VPS13B: variants seen among roughly 807,000 people sequenced by gnomAD.
VPS13B encodes intermembrane lipid transfer protein VPS13B.
A neutral mutation model predicts 426.4 loss-of-function variants in VPS13B; 285 were observed. The observed-to-expected ratio is 0.67, with a 90% confidence interval of 0.61 to 0.74. VPS13B has a LOEUF of 0.74. VPS13B is among the 30% of genes least tolerant of loss of function. VPS13B has a pLI of 0.00. For synonymous variants in VPS13B, 1,676 were observed against 1,676.4 expected, an observed-to-expected ratio of 1.00 and a Z score of 0.01; for missense variants, 4,537 against 4,782.6, an observed-to-expected ratio of 0.95 and a Z score of 1.51.
At chr8:99,387,894 G>C (rs1406544305) in intron 20 of VPS13B, among the ~76,000 whole-genome samples, 1 of 152,160 alleles carries the variant, frequency 6.6e-6, no homozygotes, top group Non-Finnish European at 1.5e-5. Context: ...TTTACTTCTT[G>C]ATGTAGGTAT....
chr8:99,819,333 TAG>T (rs756168442), intron 47 of VPS13B, 77 bp from the exon 48 acceptor site: 9 of 1,502,152 alleles, frequency 6.0e-6, no homozygotes, highest in Non-Finnish European at 8.3e-6. Context: ...AATACATTTG[TAG>T]TTAGATATTT....
chr8:99,093,341 C>T (rs1300593595), intron 3 of VPS13B, among the ~76,000 whole-genome samples: 1 of 151,558 alleles, frequency 6.6e-6, no homozygotes, highest in Non-Finnish European at 1.5e-5. Flanking sequence ...ATTCAAAGCA[C>T]CTCAAATTTG....
chr8:99,066,943 A>T (rs192392439), intron 3 of VPS13B, among the ~76,000 whole-genome samples: 53 of 152,372 alleles, frequency 3.5e-4, no homozygotes, highest in African/African-American at 1.2e-3. Context: ...CCACAGTGAG[A>T]TACCATCTCA....
At chr8:99,134,007 T>C (rs1371097468) in intron 8 of VPS13B, among the ~76,000 whole-genome samples, 3 of 152,184 alleles carry the variant, frequency 2.0e-5, no homozygotes, top group Admixed American at 2.0e-4. Context: ...AAGTGCAATA[T>C]CTGCGAAGTG....
At chr8:99,209,988 TATA>T (rs1220306634) in intron 17 of VPS13B, among the ~76,000 whole-genome samples, 3 of 152,158 alleles carry the variant, frequency 2.0e-5, no homozygotes, top group South Asian at 2.1e-4. Context: ...TATTAGTTCT[TATA>T]ATAAGCAATT....
chr8:99,740,021 T>C (rs1809615222), intron 39 of VPS13B, among the ~76,000 whole-genome samples: 1 of 151,994 alleles, frequency 6.6e-6, no homozygotes, highest in Non-Finnish European at 1.5e-5. Context: ...ATCAAACTAC[T>C]CCAAGCTAAA....
chr8:99,817,929 T>C (rs1814140815), intron 45 of VPS13B, 126 bp downstream of exon 45: 1 of 1,391,446 alleles, frequency 7.2e-7, no homozygotes, highest in African/African-American at 1.4e-5. Context: ...TGAAAGGCTT[T>C]GAATAGTACT....
intron 3 of VPS13B, among the ~76,000 whole-genome samples, chr8:99,046,318 T>G (rs1222952362): frequency 6.6e-6 from 1 of 152,208 alleles, no homozygotes; most frequent in Admixed American, 6.5e-5. Context: ...TAAAAGGGGT[T>G]GAGTTCTTGA....
At position 99,675,970 on chromosome 8, in the gene VPS13B, C is replaced by G. The variant is rs1830916248; in HGVS notation, c.6046+14479C>G. Among the ~76,000 whole-genome samples, 3 of 151,828 alleles carry G rather than the reference C, an allele frequency of 2.0e-5. No individual in the cohort carries two copies. In the South Asian group the frequency reaches 6.2e-4, roughly 32 times the overall value. On this transcript the variant is annotated intron_variant, in intron 35 of 61. Transcript: ENST00000357162. ...TTTTCAGGGGTCGGTCACTAGCACT[C>G]TATTTTGTTTGGTGATGTCATGTTT...
chr8:99,361,856 C>A (rs1468017511), intron 19 of VPS13B, among the ~76,000 whole-genome samples: 7 of 152,064 alleles, frequency 4.6e-5, no homozygotes, highest in Non-Finnish European at 8.8e-5. Context: ...TTTTTAAGTT[C>A]CTACTGTATA....
chr8:99,196,759 C>T, intron 17 of VPS13B, among the ~76,000 whole-genome samples: 1 of 152,072 alleles, frequency 6.6e-6, no homozygotes, highest in South Asian at 2.1e-4. Context: ...CGTATAAGAT[C>T]ATATTGTCAA....
chr8:99,558,558 C>A lies in VPS13B; in HGVS notation c.4949+1905C>A, dbSNP rs537643725. ...ATTTCTCCTAATGCTATCTCTCCCC[C>A]CTACCCCCACCCCACAACAGGCCCC... is the stretch of plus-strand genomic sequence containing the variant. On this transcript the variant is annotated intron_variant, in intron 31 of 61. Transcript: ENST00000357162. Among the ~76,000 whole-genome samples the A allele has an allele frequency of 9.2e-5, 14 of 152,228 alleles. No homozygotes were observed. The South Asian group carries it at 1.5e-3, about 16-fold the overall frequency.
At chr8:99,154,365 G>A (rs1027766811) in intron 14 of VPS13B, among the ~76,000 whole-genome samples, 1 of 151,746 alleles carries the variant, frequency 6.6e-6, no homozygotes, top group Admixed American at 6.6e-5. Flanking sequence ...GAAATATTCC[G>A]GGTTTTTTTT....
At chr8:99,036,777 C>A (rs1842767055) in intron 2 of VPS13B, among the ~76,000 whole-genome samples, 1 of 151,900 alleles carries the variant, frequency 6.6e-6, no homozygotes, top group Non-Finnish European at 1.5e-5. Context: ...TTACACAAGG[C>A]GTAGGGTGGT....
At chr8:99,329,774 C>A (rs992669564) in intron 19 of VPS13B, among the ~76,000 whole-genome samples, 5 of 151,924 alleles carry the variant, frequency 3.3e-5, no homozygotes, top group Admixed American at 6.6e-5. Context: ...ATTCTAGTAA[C>A]AGACTGCAAC....
chr8:99,257,011 A>T (rs538584935), intron 17 of VPS13B, among the ~76,000 whole-genome samples: 11 of 152,260 alleles, frequency 7.2e-5, no homozygotes, highest in African/African-American at 2.4e-4. Flanking sequence ...GAGTAGTTTC[A>T]TAGTAAATAT....
Position 99,305,073 on chromosome 8 carries a change from C to T in VPS13B, c.2824+29819C>T, listed in dbSNP as rs192537374. Reference sequence around the variant, plus strand: ...TAGAAAGCTCCCTAATTTTCTTCTTCTCTTACTTTATTATCTCCATTTTAT... The same window carrying T: ...TAGAAAGCTCCCTAATTTTCTTCTTTTCTTACTTTATTATCTCCATTTTAT... On this transcript the variant is annotated intron_variant, in intron 19 of 61. Coordinates refer to ENST00000357162, the MANE Select transcript of VPS13B (RefSeq NM_152564.5). 1.7e-3 allele frequency among the ~76,000 whole-genome samples: 256 copies of T among 152,194 alleles called. 2 individuals are homozygous for T. The highest frequency in any genetic ancestry group is 5.8e-3 in the South Asian group (28 of 4,828).
intron 23 of VPS13B, among the ~76,000 whole-genome samples, chr8:99,465,668 TA>T (rs1298388810): frequency 2.0e-5 from 3 of 152,134 alleles, no homozygotes; most frequent in Admixed American, 6.6e-5. Flanking sequence ...CAAAATATTT[TA>T]AGACAAATTT....
At chr8:99,557,604 T>C (rs1824656346) in intron 31 of VPS13B, among the ~76,000 whole-genome samples, 1 of 152,144 alleles carries the variant, frequency 6.6e-6, no homozygotes, top group East Asian at 1.9e-4. Flanking sequence ...GCTATTAACA[T>C]GTGTGTGCAT....
Sources: gnomAD v4.1 joint callset for allele counts (sites outside exome capture counted in the v4.1 genomes callset) on GRCh38, gnomAD v4.1.1 for gene constraint, MANE v1.5 for transcripts, NCBI Gene and HGNC (gene_info 2026-07-23, HGNC 2026-07-21) for gene names.